Variants in CDIN1 observed in about 807,000 individuals in gnomAD.
CDIN1 encodes the protein CDAN1 interacting nuclease 1.
Under a neutral mutation model 45.3 loss-of-function variants are expected in CDIN1, and 33 were observed. That is an observed-to-expected ratio of 0.73 (90% CI 0.55 to 0.97). The LOEUF is 0.97. Ranked by LOEUF, CDIN1 falls within the 50% of genes least tolerant of loss-of-function variation. The pLI, the probability that CDIN1 is intolerant of heterozygous loss-of-function variation, is 0.00. For synonymous variants in CDIN1, 118 were observed against 124.4 expected, an observed-to-expected ratio of 0.95 and a Z score of 0.34; for missense variants, 303 against 339.4, an observed-to-expected ratio of 0.89 and a Z score of 0.84.
At chr15:36,709,419 C>A in intron 9 of CDIN1, 131 bp downstream of exon 9, 1 of 561,526 alleles carries the variant, frequency 1.8e-6, no homozygotes, top group Non-Finnish European at 2.9e-6. Context: ...TTTTAAACAG[C>A]AGAAAATAAT....
At chr15:36,748,851 A>T (rs760089467) in intron 10 of CDIN1, among the ~76,000 whole-genome samples, 2 of 152,170 alleles carry the variant, frequency 1.3e-5, no homozygotes, top group Non-Finnish European at 2.9e-5. Flanking sequence ...AAAATGCTAA[A>T]GGTTGTAATC....
intron 1 of CDIN1, among the ~76,000 whole-genome samples, chr15:36,609,900 GT>G (rs1020842371): frequency 1.3e-5 from 2 of 152,198 alleles, no homozygotes; most frequent in African/African-American, 4.8e-5. Context: ...GGAGGCTGGT[GT>G]TTTAGTAAAG....
At chr15:36,801,280 T>A (rs997358014) in intron 10 of CDIN1, among the ~76,000 whole-genome samples, 1 of 152,016 alleles carries the variant, frequency 6.6e-6, no homozygotes, top group Non-Finnish European at 1.5e-5. Flanking sequence ...ACAAATTATG[T>A]AATAGTACAT....
intron 3 of CDIN1, among the ~76,000 whole-genome samples, chr15:36,651,356 C>T (rs187873633): frequency 3.3e-5 from 5 of 152,214 alleles, no homozygotes; most frequent in Admixed American, 2.6e-4. Context: ...TATAAGTTTG[C>T]ACAAGATCAT....
chr15:36,717,930 A>G (rs1175156214), intron 10 of CDIN1, among the ~76,000 whole-genome samples: 1 of 152,072 alleles, frequency 6.6e-6, no homozygotes, highest in African/African-American at 2.4e-5. Flanking sequence ...CTAATGATAA[A>G]TTATATTGAG....
intron 10 of CDIN1, chr15:36,798,810 G>GTCTT (rs1258299993): frequency 6.6e-6 from 1 of 152,168 alleles, no homozygotes; most frequent in Non-Finnish European, 1.5e-5. Context: ...GATTTATGTA[G>GTCTT]TCTTTTCCAT....
chr15:36,727,303 G>A (rs1595525983), intron 10 of CDIN1, among the ~76,000 whole-genome samples: 1 of 149,694 alleles, frequency 6.7e-6, no homozygotes, highest in South Asian at 2.1e-4. Flanking sequence ...AAATGTAGAC[G>A]CTGTTTATCT....
chr15:36,723,375 T>C (rs2043504763), intron 10 of CDIN1, among the ~76,000 whole-genome samples: 1 of 152,150 alleles, frequency 6.6e-6, no homozygotes, highest in Non-Finnish European at 1.5e-5. Context: ...TCATCTTTGA[T>C]AACCAGCTGC....
intron 5 of CDIN1, among the ~76,000 whole-genome samples, chr15:36,688,710 C>T (rs963650751): frequency 2.6e-5 from 4 of 152,194 alleles, no homozygotes; most frequent in African/African-American, 9.6e-5. Context: ...CTTGAGGCCT[C>T]TTAGCTCTGG....
In CDIN1 at chr15:36,762,244, C is replaced by T. The variant is rs116271119; in HGVS notation, c.717-46080C>T. Among the ~76,000 whole-genome samples, 1,506 of 152,256 alleles carry T rather than the reference C, an allele frequency of 9.9e-3. 29 individuals are homozygous for T. Among genetic ancestry groups the T allele is most frequent in the African/African-American group, 0.034 (1,419 of 41,530 alleles). On this transcript the variant is annotated intron_variant, in intron 10 of 10. Coordinates refer to ENST00000566621, the MANE Select transcript of CDIN1 (RefSeq NM_001321759.2). ...TTTCTAACCTCTCCTATTCTTTAAA[C>T]TTGGAACTTTTCCTTTTGTTACACG...
chr15:36,650,648 G>A (rs1595422167), intron 3 of CDIN1, among the ~76,000 whole-genome samples: 1 of 152,040 alleles, frequency 6.6e-6, no homozygotes, highest in East Asian at 1.9e-4. Context: ...TCACCATGCT[G>A]TGCAGGGAGG....
chr15:36,604,315 T>C (rs1727807091), intron 1 of CDIN1, among the ~76,000 whole-genome samples: 1 of 151,614 alleles, frequency 6.6e-6, no homozygotes. Flanking sequence ...ATAATAAATT[T>C]AAGTGTAATT....
intron 10 of CDIN1, among the ~76,000 whole-genome samples, chr15:36,710,707 GT>G (rs1025687151): frequency 6.6e-6 from 1 of 151,988 alleles, no homozygotes; most frequent in African/African-American, 2.4e-5. Context: ...CACACTACAT[GT>G]TTTTTCCCCC....
intron 10 of CDIN1, among the ~76,000 whole-genome samples, chr15:36,722,273 G>C (rs2043447342): frequency 6.7e-6 from 1 of 149,270 alleles, no homozygotes; most frequent in South Asian, 2.1e-4. Flanking sequence ...AGAGAGTACT[G>C]TGCAGTCCTT....
At chr15:36,794,090 GCT>G (rs1485714410) in intron 10 of CDIN1, among the ~76,000 whole-genome samples, 7 of 115,294 alleles carry the variant, frequency 6.1e-5, no homozygotes, top group African/African-American at 2.2e-4. Flanking sequence ...ATGGAGTCTT[GCT>G]CTGTCACCCA....
chr15:36,607,026 T>C (rs2038409802), intron 1 of CDIN1, among the ~76,000 whole-genome samples: 1 of 152,178 alleles, frequency 6.6e-6, no homozygotes, highest in Non-Finnish European at 1.5e-5. Context: ...ATTTTCTGGG[T>C]TGATCAGTGG....
chr15:36,730,072 G>A (rs560880461), intron 10 of CDIN1, among the ~76,000 whole-genome samples: 2 of 152,134 alleles, frequency 1.3e-5, no homozygotes, highest in East Asian at 1.9e-4. Context: ...ATTTATGTAT[G>A]TGCTATTTAT....
intron 5 of CDIN1, among the ~76,000 whole-genome samples, chr15:36,674,242 G>A (rs143154786): frequency 2.6e-5 from 4 of 152,270 alleles, no homozygotes; most frequent in Admixed American, 2.6e-4. Context: ...TGTGATGAAT[G>A]AGCATTAGGG....
intron 5 of CDIN1, among the ~76,000 whole-genome samples, chr15:36,687,107 G>A (rs2042087510): frequency 6.6e-6 from 1 of 151,910 alleles, no homozygotes; most frequent in African/African-American, 2.4e-5. Context: ...GGTAATAGGG[G>A]AATAAAGAAA....
Sources: allele counts gnomAD v4.1 joint callset (sites outside exome capture counted in the v4.1 genomes callset), GRCh38; gene constraint gnomAD v4.1.1; transcripts MANE v1.5; gene names NCBI Gene and HGNC (gene_info 2026-07-23, HGNC 2026-07-21).